The following HTT variants were observed in gnomAD, a reference collection of about 807,000 sequenced individuals.
HTT encodes huntingtin.
A neutral mutation model predicts 362.3 loss-of-function variants in HTT; 104 were observed. The observed-to-expected ratio is 0.29, with a 90% CI of 0.24 to 0.34. The LOEUF (loss-of-function observed/expected upper bound fraction) is 0.34, where lower values mean the gene tolerates loss of function less well. HTT is among the 10% of genes least tolerant of loss of function. The pLI, the probability that HTT is intolerant of heterozygous loss-of-function variation, is 1.00. For synonymous variants in HTT, 1,577 were observed against 1,548.7 expected (o/e 1.02, Z -0.43); for missense variants, 3,301 against 3,928.6 (o/e 0.84, Z 4.27).
rs367600613 is a variant in HTT at position 3,174,738 on chromosome 4, A to G, written c.4184A>G (p.Gln1395Arg). ...TTTGGCAGATGGTTTGATGTCCTCCAGAAAGTGTCTACCCAGTTGAAGACA... is the reference window on the plus strand; with the variant it reads ...TTTGGCAGATGGTTTGATGTCCTCCGGAAAGTGTCTACCCAGTTGAAGACA... ...NDTSGWFDVL[Q>R]KVSTQLKTNL... Residue 1395 changes from glutamine to arginine, a missense_variant, in exon 32 of 67, where the codon CAG becomes CGG. This residue lies in a region of HTT where 2,316 missense variants were observed against 2,658.5 expected (regional missense o/e 0.87). Transcript: ENST00000355072. The G allele has an allele frequency of 1.2e-6, 2 of 1,613,968 alleles. No homozygotes were observed. Among genetic ancestry groups the G allele is most frequent in the African/African-American group, 1.3e-5 (1 of 75,062 alleles).
intron 7 of HTT, 30 bp from the exon 8 acceptor site, chr4:3,116,055 T>A: frequency 6.3e-7 from 1 of 1,580,654 alleles, no homozygotes; most frequent in Non-Finnish European, 8.7e-7. Context: ...GTGAGTCAGA[T>A]GTTAAGATGT....
chr4:3,103,083 A>C (rs977613477), intron 3 of HTT, among the ~76,000 whole-genome samples: 1 of 151,916 alleles, frequency 6.6e-6, no homozygotes, highest in Admixed American at 6.6e-5. Context: ...AAGTACACCC[A>C]CAGTGCTCGG....
Position 3,199,936 on chromosome 4 carries a change from C to G in HTT, c.5573C>G (p.Pro1858Arg). ...TGGTGGGCAGAAGTGCAGCAGACCC[C>G]GAAGTAGGTTCATAATGCCCCACAG... ...YRWWAEVQQT[P>R]KRHSLSSTKL... is the part of the protein sequence containing the mutation. The change falls in exon 41 of 67, where the codon CCG (proline) becomes CGG (arginine). Residue 1858 changes from proline to arginine, a missense_variant. By Grantham distance (103) the Pro-to-Arg change is moderately radical (BLOSUM62 -2). This residue lies in a region of HTT where 2,316 missense variants were observed against 2,658.5 expected (regional missense o/e 0.87). Coordinates refer to ENST00000355072, the MANE Select transcript of HTT (RefSeq NM_001388492.1). 6.2e-7 allele frequency: 1 copy of G among 1,612,190 alleles called. No individual in the cohort carries two copies. Among genetic ancestry groups the G allele is most frequent in the Non-Finnish European group, 8.5e-7 (1 of 1,179,080 alleles).
At chr4:3,230,145 C>T (rs893398895) in intron 60 of HTT, 103 bp downstream of exon 60, 2 of 989,972 alleles carry the variant, frequency 2.0e-6, no homozygotes, top group African/African-American at 3.2e-5. Flanking sequence ...CTGCCTCCTT[C>T]CAAGAGTTGA....
In HTT at chr4:3,148,340, A is replaced by T. The variant is rs1017097070; in HGVS notation, c.3498+133A>T. 8 of 659,854 alleles carry T rather than the reference A, an allele frequency of 1.2e-5. No homozygotes were observed. The East Asian group carries it at 1.4e-4, about 11-fold the overall frequency. 40.9% of individuals were successfully genotyped at this position (659,854 alleles called of 1,614,324 possible). On this transcript the variant is annotated intron_variant, in intron 26 of 66. Transcript: ENST00000355072. ...TGAACAAAATTGCTCAGATTGTGAC[A>T]CTAAATTTAACATCAAAATGTGACC...
intron 59 of HTT, 83 bp downstream of exon 59, chr4:3,229,092 C>T: frequency 7.3e-7 from 1 of 1,376,388 alleles, no homozygotes; most frequent in Non-Finnish European, 1.0e-6. Flanking sequence ...CACACACCGC[C>T]CACACACATG....
intron 26 of HTT, 40 bp from the exon 27 acceptor site, chr4:3,154,253 T>A: frequency 1.4e-6 from 2 of 1,466,742 alleles, no homozygotes; most frequent in East Asian, 4.9e-5. Context: ...CATCACATGT[T>A]TTTGTTTTTT....
intron 2 of HTT, among the ~76,000 whole-genome samples, chr4:3,092,300 G>T (rs539526802): frequency 6.6e-6 from 1 of 152,328 alleles, no homozygotes; most frequent in South Asian, 2.1e-4. Context: ...GATTACAGGT[G>T]TGAGCCACTG....
chr4:3,078,978 G>A (rs10006129), intron 1 of HTT, among the ~76,000 whole-genome samples: 23 of 152,046 alleles, frequency 1.5e-4, no homozygotes, highest in African/African-American at 4.1e-4. Flanking sequence ...CTCGTCATCC[G>A]CCGACCTTGT....
chr4:3,239,060 C>G, intron 66 of HTT, 82 bp downstream of exon 66: 1 of 1,405,362 alleles, frequency 7.1e-7, no homozygotes. Flanking sequence ...GTTTTGAAAC[C>G]TAACCTTTGC....
chr4:3,211,931 G>A lies in HTT; in HGVS notation c.6417G>A (p.Glu2139=), dbSNP rs55934900. 194 of 1,613,130 alleles carry A rather than the reference G, an allele frequency of 1.2e-4. 2 individuals carry two copies. In the Middle Eastern group the frequency reaches 5.0e-3, roughly 41 times the overall value. The change falls in exon 48 of 67, where the codon GAG becomes GAA. Residue 2139 remains glutamate (E), a splice_region_variant and synonymous_variant. Coordinates refer to ENST00000355072, the MANE Select transcript of HTT (RefSeq NM_001388492.1). ...EDMNAFMMNS[E]FNLSLLAPCL... is the part of the protein sequence containing the mutation. ...AACCTTTAATGCTCTGATTTCAGGA[G>A]TTCAACCTAAGCCTGCTAGCTCCAT...
At chr4:3,079,108 C>T (rs1379770554) in intron 1 of HTT, among the ~76,000 whole-genome samples, 2 of 152,054 alleles carry the variant, frequency 1.3e-5, no homozygotes, top group African/African-American at 4.8e-5. Context: ...GATGAGCAGG[C>T]TGGTCTCGAA....
intron 2 of HTT, among the ~76,000 whole-genome samples, chr4:3,090,200 G>A (rs1373543242): frequency 3.9e-5 from 6 of 152,118 alleles, no homozygotes; most frequent in Non-Finnish European, 8.8e-5. Context: ...TTCAATGTAG[G>A]AAGTCATTTA....
chr4:3,074,737 C>T lies in HTT; in HGVS notation c.-89C>T, dbSNP rs1560534660. ...CTCAGGTTCTGCTTTTACCTGCGGC[C>T]CAGAGCCCCATTCATTGCCCCGGTG... On this transcript the variant is annotated 5_prime_UTR_variant, in exon 1 of 67. Transcript: ENST00000355072. The T allele has an allele frequency of 3.4e-5, 47 of 1,379,244 alleles. No homozygotes were observed. Among genetic ancestry groups the T allele is most frequent in the Non-Finnish European group, 4.5e-5 (46 of 1,032,168 alleles). 85.4% of individuals were successfully genotyped at this position (1,379,244 alleles called of 1,614,324 possible). A position where few individuals can be genotyped will look rare whatever the true frequency, so the allele number is the denominator to read the frequency against.
intron 28 of HTT, 73 bp from the exon 29 acceptor site, chr4:3,160,209 T>G: frequency 1.0e-6 from 1 of 966,364 alleles, no homozygotes; most frequent in Non-Finnish European, 1.6e-6. Context: ...CGTCGATGTT[T>G]GTGTCTTTGG....
chr4:3,142,371 T>C (rs1250343868), intron 22 of HTT, among the ~76,000 whole-genome samples: 1 of 152,184 alleles, frequency 6.6e-6, no homozygotes, highest in Non-Finnish European at 1.5e-5. Flanking sequence ...AGAGTTTGTA[T>C]ATAACTATAA....
Position 3,215,214 on chromosome 4 carries a change from A to G in HTT, c.7054+3A>G, listed in dbSNP as rs779857059. On this transcript the variant is annotated splice_donor_region_variant and intron_variant, in intron 51 of 66. Transcript: ENST00000355072. ...GGAAGTAGATCCAAACACACAGAGT[A>G]AGTCTCAGGACCCATTTTTTTCTTA... 5 of 1,608,030 alleles carry G rather than the reference A, an allele frequency of 3.1e-6. No individual in the cohort carries two copies. The highest frequency in any genetic ancestry group is 8.5e-7 in the Non-Finnish European group (1 of 1,175,092).
chr4:3,225,134 G>A (rs532737249), intron 56 of HTT, among the ~76,000 whole-genome samples: 78 of 151,902 alleles, frequency 5.1e-4, no homozygotes, highest in African/African-American at 1.8e-3. Context: ...AGAAAGACAT[G>A]AGGAGGCTGG....
At chr4:3,229,242 ACACGC>A (rs1721089347) in intron 59 of HTT, among the ~76,000 whole-genome samples, 1 of 143,422 alleles carries the variant, frequency 7.0e-6, no homozygotes, top group Admixed American at 7.0e-5. Flanking sequence ...TGCCACACAC[ACACGC>A]CACACCACAT....
Sources: gnomAD v4.1 joint callset for allele counts (sites outside exome capture counted in the v4.1 genomes callset) on GRCh38, gnomAD v4.1.1 for gene constraint, gnomAD v4.1.1 regional missense constraint, MANE v1.5 for transcripts, NCBI Gene and HGNC (gene_info 2026-07-23, HGNC 2026-07-21) for gene names.